Variants in CSMD1 observed in about 807,000 individuals in gnomAD.
CSMD1 encodes CUB and sushi domain-containing protein 1.
In CSMD1, 213 loss-of-function variants were observed where a neutral mutation model predicts 417.5. The observed-to-expected ratio is 0.51, with a 90% CI of 0.46 to 0.57. CSMD1 has a LOEUF of 0.57. CSMD1 is among the 20% of genes least tolerant of loss of function. The pLI, the probability that CSMD1 is intolerant of heterozygous loss-of-function variation, is 0.00. For missense variants in CSMD1, 6,923 were observed against 4,529.7 expected (o/e 1.53, Z -15.17); for synonymous variants, 2,862 against 1,736.8 (o/e 1.65, Z -16.11).
intron 3 of CSMD1, among the ~76,000 whole-genome samples, chr8:4,269,933 C>A (rs1804472240): frequency 1.3e-5 from 2 of 152,054 alleles, no homozygotes; most frequent in Admixed American, 1.3e-4. Flanking sequence ...GCGTTCAAGC[C>A]AACAGTTGGG....
intron 5 of CSMD1, among the ~76,000 whole-genome samples, chr8:3,961,650 T>A (rs2740829): frequency 0.13 from 19,754 of 152,160 alleles, 1,400 homozygotes; most frequent in African/African-American, 0.17. Context: ...ACATTCTTGA[T>A]AATAAACAAA....
intron 2 of CSMD1, among the ~76,000 whole-genome samples, chr8:4,501,663 A>G (rs867777179): frequency 6.6e-6 from 1 of 152,198 alleles, no homozygotes. Context: ...CATCCCAGCC[A>G]GGACATGAAT....
chr8:3,317,670 T>G (rs376636049), intron 23 of CSMD1, among the ~76,000 whole-genome samples: 2 of 152,238 alleles, frequency 1.3e-5, no homozygotes, highest in Non-Finnish European at 2.9e-5. Context: ...TACAGTTATC[T>G]GGTTAATACT....
chr8:3,641,291 C>T (rs1253083649), intron 7 of CSMD1, among the ~76,000 whole-genome samples: 2 of 152,044 alleles, frequency 1.3e-5, no homozygotes, highest in African/African-American at 4.8e-5. Context: ...GATTCCCAGC[C>T]TCCTGTGCAG....
intron 23 of CSMD1, among the ~76,000 whole-genome samples, chr8:3,313,565 C>A (rs1217429908): frequency 6.6e-6 from 1 of 152,168 alleles, no homozygotes; most frequent in South Asian, 2.1e-4. Flanking sequence ...CAATAAGATA[C>A]TATCTCACAC....
intron 3 of CSMD1, among the ~76,000 whole-genome samples, chr8:4,223,863 C>T (rs1385723016): frequency 6.6e-6 from 1 of 152,088 alleles, no homozygotes; most frequent in African/African-American, 2.4e-5. Context: ...ATGTAAAGGT[C>T]CCTAAAAGTC....
At chr8:2,975,499 G>C (rs1804837025) in intron 55 of CSMD1, among the ~76,000 whole-genome samples, 1 of 152,122 alleles carries the variant, frequency 6.6e-6, no homozygotes, top group Admixed American at 6.5e-5. Flanking sequence ...CAACCAGAGA[G>C]GTAGATTTGA....
Position 4,014,959 on chromosome 8 carries a change from G to A in CSMD1, c.611-16849C>T, listed in dbSNP as rs147367799. On this transcript the variant is annotated intron_variant, in intron 4 of 69. Transcript: ENST00000635120. The stretch of plus-strand genomic sequence containing the variant: ...TTGTATGGGATGAGATAACGTGAAT[G>A]ACGTGCTTGGCAGAAAATGTAGCAC... Among the ~76,000 whole-genome samples, 348 of 152,328 alleles carry A rather than the reference G, an allele frequency of 2.3e-3. 2 individuals carry two copies. The highest frequency in any genetic ancestry group is 3.4e-3 in the Non-Finnish European group (234 of 68,034).
At chr8:3,642,111 C>G (rs1010902565) in intron 7 of CSMD1, among the ~76,000 whole-genome samples, 1 of 151,750 alleles carries the variant, frequency 6.6e-6, no homozygotes, top group Non-Finnish European at 1.5e-5. Flanking sequence ...TACAGCCACT[C>G]AAAATGGAAA....
chr8:3,838,329 A>G (rs1280849544), intron 5 of CSMD1, among the ~76,000 whole-genome samples: 1 of 151,940 alleles, frequency 6.6e-6, no homozygotes, highest in African/African-American at 2.4e-5. Flanking sequence ...TGAGTCCAGT[A>G]GTTCCAGACC....
At chr8:4,270,900 TC>T in intron 3 of CSMD1, among the ~76,000 whole-genome samples, 1 of 151,968 alleles carries the variant, frequency 6.6e-6, no homozygotes. Flanking sequence ...AACAAACAAC[TC>T]AAGGTGCTGA....
In CSMD1 at chr8:3,307,786, C is replaced by T. The variant is rs774773065; in HGVS notation, c.3859G>A (p.Gly1287Arg). The T allele has an allele frequency of 3.1e-6, 5 of 1,613,630 alleles. No homozygotes were observed. The South Asian group carries it at 4.4e-5, about 14-fold the overall frequency. The change falls in exon 25 of 70, where the codon GGA (glycine) becomes AGA (arginine). Residue 1287 changes from glycine (G) to arginine (R), a missense_variant. Physicochemically the swap from Gly to Arg is moderately radical, Grantham distance 125. Coordinates refer to ENST00000635120, the MANE Select transcript of CSMD1 (RefSeq NM_033225.6). The part of the protein sequence containing the change: ...CGGQIHAATS[G>R]RILSPGYPAP... Reference sequence around the variant, plus strand: ...GGATAGCCAGGGGACAATATTCGTCCTGATGTGGCTGCATGGATCTGACCA... The same window carrying T: ...GGATAGCCAGGGGACAATATTCGTCTTGATGTGGCTGCATGGATCTGACCA...
intron 7 of CSMD1, among the ~76,000 whole-genome samples, chr8:3,629,420 C>A (rs1040491984): frequency 6.6e-6 from 1 of 152,120 alleles, no homozygotes; most frequent in East Asian, 1.9e-4. Context: ...TATATAAGGG[C>A]TTTCTCCCTT....
intron 3 of CSMD1, among the ~76,000 whole-genome samples, chr8:4,401,848 T>A (rs745895900): frequency 1.3e-5 from 2 of 152,140 alleles, no homozygotes; most frequent in Non-Finnish European, 2.9e-5. Context: ...CATCATTTCC[T>A]GACTTTCCCC....
chr8:2,938,461 G>A lies in CSMD1; in HGVS notation c.*124C>T. Reference sequence around the variant, plus strand: ...GATCCCCGCTGCACTTATGCCAGTAGACAAGGTTGAAGATCGCTGCAGTAA... The same window carrying A: ...GATCCCCGCTGCACTTATGCCAGTAAACAAGGTTGAAGATCGCTGCAGTAA... On this transcript the variant is annotated 3_prime_UTR_variant, in exon 70 of 70. Coordinates refer to ENST00000635120, the MANE Select transcript of CSMD1 (RefSeq NM_033225.6). The A allele has an allele frequency of 1.1e-6, 1 of 900,842 alleles. No homozygotes were observed. The highest frequency in any genetic ancestry group is 1.7e-6 in the Non-Finnish European group (1 of 599,278). The allele number at this position is 900,842 out of a possible 1,614,324, so 55.8% of individuals were successfully genotyped here.
intron 5 of CSMD1, among the ~76,000 whole-genome samples, chr8:3,818,082 C>G (rs1268982913): frequency 6.6e-6 from 1 of 152,070 alleles, no homozygotes; most frequent in Non-Finnish European, 1.5e-5. Context: ...GGTCCGGGCT[C>G]AGCCAGCCTG....
rs113025339 is a variant in CSMD1 at position 2,972,649 on chromosome 8, C to G, written c.8923+468G>C. Among the ~76,000 whole-genome samples the G allele has an allele frequency of 2.1e-3, 324 of 152,292 alleles. 1 individual carries two copies. Among genetic ancestry groups the G allele is most frequent in the African/African-American group, 7.5e-3 (311 of 41,554 alleles). ...CAAGTAGACCCACTCCAAAATAGTT[C>G]ATAGAATATAACCCCAGATTCCTGT... On this transcript the variant is annotated intron_variant, in intron 57 of 69. Coordinates refer to ENST00000635120, the MANE Select transcript of CSMD1 (RefSeq NM_033225.6).
intron 3 of CSMD1, among the ~76,000 whole-genome samples, chr8:4,298,103 T>G (rs1797783619): frequency 6.6e-6 from 1 of 152,114 alleles, no homozygotes; most frequent in Admixed American, 6.6e-5. Context: ...ATAAAGGACC[T>G]GGAGAACATC....
At chr8:4,306,611 C>T (rs1010697067) in intron 3 of CSMD1, among the ~76,000 whole-genome samples, 1 of 152,038 alleles carries the variant, frequency 6.6e-6, no homozygotes, top group Admixed American at 6.6e-5. Context: ...TCCTTCTTGG[C>T]CTCTTCAATC....
Sources: allele counts gnomAD v4.1 joint callset (sites outside exome capture counted in the v4.1 genomes callset), GRCh38; gene constraint gnomAD v4.1.1; transcripts MANE v1.5; gene names NCBI Gene and HGNC (gene_info 2026-07-23, HGNC 2026-07-21).